NXPE3: variants seen among roughly 807,000 people sequenced by gnomAD.
NXPE3 encodes neurexophilin and PC-esterase domain family member 3, also known as NXPE family member 3.
In NXPE3, 26 loss-of-function variants were observed where a neutral mutation model predicts 46.1. The observed-to-expected ratio is 0.56, with a 90% CI of 0.41 to 0.78. The LOEUF is 0.78. Among genes scored for constraint, NXPE3 ranks in the 30% least tolerant of loss-of-function variants. The pLI, the probability that NXPE3 is intolerant of heterozygous loss-of-function variation, is 0.00. For missense variants in NXPE3, 620 were observed against 686.0 expected, an observed-to-expected ratio of 0.90 and a Z score of 1.07; for synonymous variants, 272 against 257.9, an observed-to-expected ratio of 1.05 and a Z score of -0.52.
At chr3:101,818,745 ATATAT>A (rs1942099883) in intron 7 of NXPE3, among the ~76,000 whole-genome samples, 1 of 21,688 alleles carries the variant, frequency 4.6e-5, no homozygotes, top group Admixed American at 7.5e-4. Flanking sequence ...ATATATATAT[ATATAT>A]ATATTTTTTT....
rs113046190 is a variant in NXPE3 at position 101,801,233 on chromosome 3, A to G, written c.94-2A>G. ...TTCTGTTGTTTGTGTCTTCTTCTTC[A>G]GTACTTGGACCATGAGACTGTTTCA... is the stretch of plus-strand genomic sequence containing the variant. On this transcript the variant is annotated splice_acceptor_variant, in intron 4 of 7. Coordinates refer to ENST00000273347, the MANE Select transcript of NXPE3 (RefSeq NM_145037.4). LOFTEE classifies it high-confidence loss of function. 2 of 1,597,670 alleles carry G rather than the reference A, an allele frequency of 1.3e-6. No individual in the cohort carries two copies. The highest frequency in any genetic ancestry group is 1.7e-6 in the Non-Finnish European group (2 of 1,171,804).
Position 101,808,818 on chromosome 3 carries a change from GATATATATATATATATATATATAT to G in NXPE3, c.922+1707_922+1730del, listed in dbSNP as rs58006464. ...ACCAAATGAATTACTAATTTTAGAG[GATATATATATATATATATATATAT>G]ATATATATATATATGAGACATTTAT... On this transcript the variant is annotated intron_variant, in intron 6 of 7. Coordinates refer to ENST00000273347, the MANE Select transcript of NXPE3 (RefSeq NM_145037.4). 1.6e-3 allele frequency among the ~76,000 whole-genome samples: 50 copies of G among 30,810 alleles called. 3 individuals carry two copies. The highest frequency in any genetic ancestry group is 3.2e-3 in the East Asian group (3 of 934). The allele number at this position is 30,810 out of a possible 152,430, so 20.2% of individuals were successfully genotyped here.
chr3:101,801,567 C>T lies in NXPE3; in HGVS notation c.426C>T (p.Asp142=). 1 of 1,614,210 alleles carries T rather than the reference C, an allele frequency of 6.2e-7. No homozygotes were observed. Among genetic ancestry groups the T allele is most frequent in the South Asian group, 1.1e-5 (1 of 91,090 alleles). Residue 142 remains aspartate, a synonymous_variant, in exon 5 of 8, where the codon GAC becomes GAT. Transcript: ENST00000273347. ...GAAAGCCCAAGAAGTATGGTGGAGACTACCTGCAGGCCAGAATTCACTCCC... is the reference window on the plus strand; with the variant it reads ...GAAAGCCCAAGAAGTATGGTGGAGATTACCTGCAGGCCAGAATTCACTCCC... The part of the protein sequence containing the change: ...FQRKPKKYGG[D]YLQARIHSLK...
In NXPE3 at chr3:101,824,691, C is replaced by T. The variant is rs1259206909; in HGVS notation, c.*2737C>T. 1 of 152,272 alleles carries T rather than the reference C, an allele frequency of 6.6e-6. No individual in the cohort carries two copies. The highest frequency in any genetic ancestry group is 2.4e-5 in the African/African-American group (1 of 41,446). The allele number at this position is 152,272 out of a possible 1,614,324, so 9.4% of individuals were successfully genotyped here. ...ACTCCTGAGCTCAAGCATCTGCCCA[C>T]CTCAGCTTCCCAAAGTGCTGGGATT... On this transcript the variant is annotated 3_prime_UTR_variant, in exon 8 of 8. Transcript: ENST00000273347.
chr3:101,809,123 G>A (rs1941591359), intron 6 of NXPE3, among the ~76,000 whole-genome samples: 2 of 151,924 alleles, frequency 1.3e-5, no homozygotes, highest in Admixed American at 1.3e-4. Flanking sequence ...GATTAGCCAG[G>A]AAGTGGCTGT....
chr3:101,827,768 G>A lies in NXPE3; in HGVS notation c.*5814G>A, dbSNP rs932229617. Among the ~76,000 whole-genome samples the A allele has an allele frequency of 1.3e-4, 20 of 152,110 alleles. No homozygotes were observed. Among genetic ancestry groups the A allele is most frequent in the Admixed American group, 2.6e-4 (4 of 15,278 alleles). ...CTCGGGTCGGTACCTTTTTGGTCTG[G>A]GAATTTCCAGTGTGCAGAAAAAAAA... is the stretch of plus-strand genomic sequence containing the variant. On this transcript the variant is annotated 3_prime_UTR_variant, in exon 8 of 8. Transcript: ENST00000273347.
intron 4 of NXPE3, among the ~76,000 whole-genome samples, chr3:101,794,178 A>C (rs2107272233): frequency 6.6e-6 from 1 of 151,894 alleles, no homozygotes; most frequent in South Asian, 2.1e-4. Context: ...CTTTGCTGGA[A>C]GTGGAAGTTT....
chr3:101,782,984 G>A (rs1287053944), intron 3 of NXPE3, among the ~76,000 whole-genome samples: 2 of 151,796 alleles, frequency 1.3e-5, no homozygotes, highest in Non-Finnish European at 2.9e-5. Context: ...TTTATTTCCT[G>A]GTGAAAAATT....
chr3:101,819,460 G>A (rs1032051795), intron 7 of NXPE3, among the ~76,000 whole-genome samples: 6 of 152,242 alleles, frequency 3.9e-5, no homozygotes, highest in Non-Finnish European at 7.3e-5. Flanking sequence ...TCTCATGATA[G>A]AGATGGAAGT....
At chr3:101,799,641 G>T (rs1941028673) in intron 4 of NXPE3, among the ~76,000 whole-genome samples, 1 of 152,048 alleles carries the variant, frequency 6.6e-6, no homozygotes. Flanking sequence ...GGCCAGGCTG[G>T]TCTTGAACTC....
At chr3:101,805,336 G>C (rs1219608478) in intron 5 of NXPE3, among the ~76,000 whole-genome samples, 2 of 151,184 alleles carry the variant, frequency 1.3e-5, no homozygotes, top group African/African-American at 4.9e-5. Context: ...TGCTTACTCA[G>C]TGTGTTTGGT....
At chr3:101,800,186 A>G (rs948108537) in intron 4 of NXPE3, among the ~76,000 whole-genome samples, 2 of 152,308 alleles carry the variant, frequency 1.3e-5, no homozygotes, top group Non-Finnish European at 2.9e-5. Context: ...TTCCTAAAAT[A>G]TGTATAGTAC....
Position 101,785,477 on chromosome 3 carries a change from G to A in NXPE3, c.-120G>A. 1.2e-6 allele frequency: 1 copy of A among 821,580 alleles called. No homozygotes were observed. The highest frequency in any genetic ancestry group is 2.4e-5 in the East Asian group (1 of 40,986). The allele number at this position is 821,580 out of a possible 1,614,324, so 50.9% of individuals were successfully genotyped here. ...TGCATAAGAGCTCTTAAGGGTACTA[G>A]CAGGATAGAAGCAAATGAAACTGAA... On this transcript the variant is annotated 5_prime_UTR_variant, in exon 4 of 8. Transcript: ENST00000273347.
chr3:101,798,600 A>AT (rs1454340463), intron 4 of NXPE3, among the ~76,000 whole-genome samples: 1 of 127,338 alleles, frequency 7.9e-6, no homozygotes, highest in African/African-American at 3.0e-5. Context: ...ATATATATAT[A>AT]TATTTTTTTT....
In NXPE3 at chr3:101,822,773, CT is replaced by C. The variant is rs1254827140; in HGVS notation, c.*823del. On this transcript the variant is annotated 3_prime_UTR_variant, in exon 8 of 8. Coordinates refer to ENST00000273347, the MANE Select transcript of NXPE3 (RefSeq NM_145037.4). ...TGAAATTTGAGGGTTTAGGAATTGA[CT>C]TTTGTGTAAAGAATGCTACGATATT... The C allele has an allele frequency of 1.3e-5, 2 of 150,884 alleles. No homozygotes were observed. Among genetic ancestry groups the C allele is most frequent in the African/African-American group, 4.9e-5 (2 of 41,050 alleles). The allele number at this position is 150,884 out of a possible 1,614,324, so 9.3% of individuals were successfully genotyped here.
chr3:101,780,339 C>T (rs1026949623), intron 1 of NXPE3, among the ~76,000 whole-genome samples: 6 of 152,146 alleles, frequency 3.9e-5, no homozygotes, highest in African/African-American at 1.2e-4. Context: ...CAATAGAGTG[C>T]TGTTATTTGT....
At chr3:101,793,840 C>A (rs1940666020) in intron 4 of NXPE3, among the ~76,000 whole-genome samples, 1 of 151,440 alleles carries the variant, frequency 6.6e-6, no homozygotes, top group Admixed American at 6.6e-5. Flanking sequence ...TGTAGATCTC[C>A]TGAGTTATTT....
chr3:101,785,368 A>G (rs998579139), intron 3 of NXPE3, 34 bp from the exon 4 acceptor site: 5 of 492,108 alleles, frequency 1.0e-5, no homozygotes, highest in East Asian at 7.4e-5. Context: ...GGCCATTGCA[A>G]TTGGTGATGT....
intron 6 of NXPE3, among the ~76,000 whole-genome samples, chr3:101,814,372 G>A (rs1174863828): frequency 6.6e-6 from 1 of 152,118 alleles, no homozygotes; most frequent in African/African-American, 2.4e-5. Context: ...ACATGCCCCC[G>A]ACAATTTTTC....
Sources: allele counts gnomAD v4.1 joint callset (sites outside exome capture counted in the v4.1 genomes callset), GRCh38; gene constraint gnomAD v4.1.1; transcripts MANE v1.5; gene names NCBI Gene and HGNC (gene_info 2026-07-23, HGNC 2026-07-21).